Variants in SLC4A10 observed in about 807,000 individuals in gnomAD.
The protein encoded by SLC4A10 is solute carrier family 4 member 10.
In SLC4A10, 42 loss-of-function variants were observed where a neutral mutation model predicts 137.7. The observed-to-expected ratio is 0.30, with a 90% confidence interval of 0.24 to 0.39. SLC4A10 has a LOEUF of 0.39. Ranked by LOEUF, SLC4A10 falls within the 10% of genes least tolerant of loss-of-function variation. SLC4A10 has a pLI of 1.00. For synonymous variants in SLC4A10, 474 were observed against 464.1 expected, an observed-to-expected ratio of 1.02 and a Z score of -0.27; for missense variants, 925 against 1,355.0, an observed-to-expected ratio of 0.68 and a Z score of 4.98.
intron 1 of SLC4A10, among the ~76,000 whole-genome samples, chr2:161,646,011 T>A (rs1409644692): frequency 9.2e-5 from 14 of 152,052 alleles, no homozygotes; most frequent in Admixed American, 6.5e-5. Flanking sequence ...AAATCATATT[T>A]TTAAAAAAGT....
At chr2:161,930,396 T>A (rs1057458223) in intron 15 of SLC4A10, among the ~76,000 whole-genome samples, 5 of 152,070 alleles carry the variant, frequency 3.3e-5, no homozygotes, top group Non-Finnish European at 4.4e-5. Flanking sequence ...CAAAGTTATA[T>A]GACCGTTACT....
chr2:161,721,030 T>C (rs186205705), intron 1 of SLC4A10, among the ~76,000 whole-genome samples: 10 of 152,262 alleles, frequency 6.6e-5, no homozygotes, highest in Non-Finnish European at 1.3e-4. Flanking sequence ...GGTTTCACCA[T>C]GTTGATCAGG....
chr2:161,813,984 C>T (rs2056815746), intron 3 of SLC4A10, among the ~76,000 whole-genome samples: 1 of 152,046 alleles, frequency 6.6e-6, no homozygotes, highest in African/African-American at 2.4e-5. Context: ...GATAGCTCCA[C>T]AGAAGGTTGA....
chr2:161,661,295 T>A (rs1338725462), intron 1 of SLC4A10, among the ~76,000 whole-genome samples: 1 of 152,032 alleles, frequency 6.6e-6, no homozygotes, highest in Admixed American at 6.6e-5. Flanking sequence ...GCCAACATGG[T>A]GAAACCCCGT....
chr2:161,795,029 A>G (rs2054614699), intron 2 of SLC4A10, among the ~76,000 whole-genome samples: 1 of 152,108 alleles, frequency 6.6e-6, no homozygotes, highest in African/African-American at 2.4e-5. Context: ...TTTTATTGCA[A>G]TGAATATTGA....
At chr2:161,802,943 T>A (rs1355542845) in intron 2 of SLC4A10, among the ~76,000 whole-genome samples, 1 of 152,138 alleles carries the variant, frequency 6.6e-6, no homozygotes, top group South Asian at 2.1e-4. Flanking sequence ...CATTTGGGGT[T>A]GGGACTTTAA....
chr2:161,712,057 C>T (rs936273789), intron 1 of SLC4A10, among the ~76,000 whole-genome samples: 1 of 151,860 alleles, frequency 6.6e-6, no homozygotes, highest in African/African-American at 2.4e-5. Flanking sequence ...CTCCCTTAAT[C>T]TCTTTATCAA....
At chr2:161,924,392 GC>G (rs1183858386) in intron 15 of SLC4A10, among the ~76,000 whole-genome samples, 2 of 152,024 alleles carry the variant, frequency 1.3e-5, no homozygotes, top group Non-Finnish European at 1.5e-5. Flanking sequence ...ACACAACTGG[GC>G]AGCCTCTGAG....
intron 1 of SLC4A10, among the ~76,000 whole-genome samples, chr2:161,655,891 G>T (rs753265425): frequency 7.2e-5 from 10 of 138,850 alleles, no homozygotes; most frequent in Admixed American, 1.4e-4. Flanking sequence ...TCGGGGCAGT[G>T]CAATCTCTGT....
At chr2:161,682,500 A>T (rs1011948382) in intron 1 of SLC4A10, among the ~76,000 whole-genome samples, 3 of 152,202 alleles carry the variant, frequency 2.0e-5, no homozygotes, top group Non-Finnish European at 4.4e-5. Flanking sequence ...ATGGTGACAT[A>T]TAAATAGAAT....
At chr2:161,653,730 T>A (rs1271715734) in intron 1 of SLC4A10, among the ~76,000 whole-genome samples, 19 of 152,248 alleles carry the variant, frequency 1.2e-4, no homozygotes, top group Admixed American at 1.1e-3. Flanking sequence ...ATATTCTTCT[T>A]TTTAAAGACT....
intron 6 of SLC4A10, among the ~76,000 whole-genome samples, chr2:161,863,840 C>T (rs185348635): frequency 1.1e-4 from 17 of 152,236 alleles, no homozygotes; most frequent in Non-Finnish European, 1.5e-5. Flanking sequence ...TTCTATTAGT[C>T]TCATGAGAGA....
In SLC4A10 at chr2:161,933,577, A is replaced by G. The variant is rs143514115; in HGVS notation, c.1998-9215A>G. On this transcript the variant is annotated intron_variant, in intron 15 of 26. Coordinates refer to ENST00000446997, the MANE Select transcript of SLC4A10 (RefSeq NM_001178015.2). ...CTGCCTAATTTAAAAAATTTGTTAT[A>G]GAGACAACATTCTTGCTATGTTGCC... is the stretch of plus-strand genomic sequence containing the variant. Among the ~76,000 whole-genome samples, 933 of 152,182 alleles carry G rather than the reference A, an allele frequency of 6.1e-3. 19 individuals are homozygous for G. The highest frequency in any genetic ancestry group is 0.042 in the South Asian group (205 of 4,824).
chr2:161,833,622 G>A (rs1428345852), intron 3 of SLC4A10, among the ~76,000 whole-genome samples: 2 of 152,188 alleles, frequency 1.3e-5, no homozygotes, highest in Non-Finnish European at 2.9e-5. Context: ...TGAGGATGTT[G>A]TTGCTGTTAC....
intron 1 of SLC4A10, among the ~76,000 whole-genome samples, chr2:161,639,068 A>G (rs375902657): frequency 2.0e-5 from 3 of 152,140 alleles, no homozygotes; most frequent in African/African-American, 7.2e-5. Flanking sequence ...CAACCTGCCA[A>G]GACTGAATCA....
At chr2:161,798,173 T>C (rs2054985627) in intron 2 of SLC4A10, among the ~76,000 whole-genome samples, 1 of 152,024 alleles carries the variant, frequency 6.6e-6, no homozygotes, top group African/African-American at 2.4e-5. Flanking sequence ...TGATCAATGA[T>C]GACTTGTGTT....
intron 1 of SLC4A10, among the ~76,000 whole-genome samples, chr2:161,700,324 T>A (rs2042991192): frequency 6.6e-6 from 1 of 152,148 alleles, no homozygotes; most frequent in Non-Finnish European, 1.5e-5. Flanking sequence ...AACTAGGTGG[T>A]CATTCATATA....
At chr2:161,699,630 T>C (rs762751182) in intron 1 of SLC4A10, among the ~76,000 whole-genome samples, 24 of 152,298 alleles carry the variant, frequency 1.6e-4, no homozygotes, top group Non-Finnish European at 2.5e-4. Context: ...AAGACAAGAT[T>C]AAGCCTAAAA....
intron 1 of SLC4A10, among the ~76,000 whole-genome samples, chr2:161,755,991 G>A (rs796475983): frequency 5.1e-4 from 78 of 151,980 alleles, no homozygotes; most frequent in African/African-American, 1.6e-3. Context: ...GGGTGATCTC[G>A]AACTCCTGAC....
Sources: gnomAD v4.1 joint callset for allele counts (sites outside exome capture counted in the v4.1 genomes callset) on GRCh38, gnomAD v4.1.1 for gene constraint, MANE v1.5 for transcripts, NCBI Gene and HGNC (gene_info 2026-07-23, HGNC 2026-07-21) for gene names.